CFHR4: variants seen among roughly 807,000 people sequenced by gnomAD.
CFHR4 encodes complement factor H related 4.
In CFHR4, 64 loss-of-function variants were observed where a neutral mutation model predicts 69.3. The observed-to-expected ratio is 0.92, with a 90% confidence interval of 0.76 to 1.14. The LOEUF (loss-of-function observed/expected upper bound fraction) is 1.14, where lower values mean the gene tolerates loss of function less well. Ranked by LOEUF, CFHR4 falls within the 50% of genes most tolerant of loss-of-function variation. The pLI is 0.00. For synonymous variants in CFHR4, 244 were observed against 237.0 expected (o/e 1.03, Z -0.27); for missense variants, 636 against 684.9 (o/e 0.93, Z 0.80).
In CFHR4 at chr1:196,888,147, T is replaced by C. The variant is rs1410757676; in HGVS notation, c.-4T>C. 7 of 1,610,650 alleles carry C rather than the reference T, an allele frequency of 4.3e-6. 1 individual carries two copies. The Admixed American group carries it at 6.7e-5, about 15-fold the overall frequency. ...GCATTACTATACTACTGAGAATATC[T>C]AACATGTTGTTACTAATCAATGTCA... On this transcript the variant is annotated 5_prime_UTR_variant, in exon 1 of 10. The change abolishes the stop of an existing upstream ORF in the 5' untranslated region. Coordinates refer to ENST00000608469, the MANE Select transcript of CFHR4 (RefSeq NM_001201550.3).
intron 1 of CFHR4, among the ~76,000 whole-genome samples, chr1:196,892,452 T>C (rs1406944578): frequency 6.6e-6 from 1 of 151,200 alleles, no homozygotes; most frequent in Non-Finnish European, 1.5e-5. Flanking sequence ...AAAAATTGAG[T>C]GAAAGGGAAC....
chr1:196,905,127 T>A lies in CFHR4; in HGVS notation c.276T>A (p.Asp92Glu), dbSNP rs201975726. The change falls in exon 3 of 10, where the codon GAT becomes GAA. Residue 92 changes from aspartate to glutamate, a missense_variant. Transcript: ENST00000608469. Reference protein sequence around the residue: ...VPCLRTCSKSDVEIENGFISE... With the variant: ...VPCLRTCSKSEVEIENGFISE... ...TTTTAGGAACATGCTCAAAATCAGA[T>A]GTAGAAATTGAAAATGGATTCATTT... The A allele has an allele frequency of 1.8e-5, 29 of 1,601,338 alleles. No individual in the cohort carries two copies. The highest frequency in any genetic ancestry group is 2.5e-5 in the Non-Finnish European group (29 of 1,174,344).
At position 196,910,368 on chromosome 1, in the gene CFHR4, G is replaced by T. The variant is rs921604716; in HGVS notation, c.887G>T (p.Gly296Val). ...TRRPYFPVATGQSYSYYCDQN... is the reference protein window; with the variant it reads ...TRRPYFPVATVQSYSYYCDQN... ...AGACCATACTTTCCAGTAGCTACAG[G>T]ACAATCTTACTCCTATTACTGTGAC... The change falls in exon 6 of 10, where the codon GGA (glycine) becomes GTA (valine). Residue 296 changes from glycine (G) to valine (V), a missense_variant. Coordinates refer to ENST00000608469, the MANE Select transcript of CFHR4 (RefSeq NM_001201550.3). 12 of 1,611,464 alleles carry T rather than the reference G, an allele frequency of 7.4e-6. No individual in the cohort carries two copies. In the African/African-American group the frequency reaches 8.1e-5, roughly 11 times the overall value.
intron 2 of CFHR4, among the ~76,000 whole-genome samples, chr1:196,904,857 T>G (rs76441140): frequency 0.015 from 2,317 of 151,696 alleles, 141 homozygotes; most frequent in African/African-American, 0.053. Context: ...CTGCTAGATC[T>G]GCATTCCTCA....
intron 6 of CFHR4, 82 bp from the exon 7 acceptor site, chr1:196,912,658 A>G: frequency 7.2e-7 from 1 of 1,385,432 alleles, no homozygotes; most frequent in Non-Finnish European, 9.6e-7. Context: ...GTTTTGCCAT[A>G]TTGCCATGTT....
intron 9 of CFHR4, among the ~76,000 whole-genome samples, chr1:196,917,738 C>G (rs576148549): frequency 6.6e-6 from 1 of 151,620 alleles, no homozygotes; most frequent in East Asian, 1.9e-4. Flanking sequence ...TTATACCTTT[C>G]TACAGTTCTT....
chr1:196,913,232 C>T (rs1014295151), intron 7 of CFHR4, among the ~76,000 whole-genome samples: 1 of 151,450 alleles, frequency 6.6e-6, no homozygotes, highest in Admixed American at 6.6e-5. Context: ...TTAAAAACTT[C>T]GTTGTTTTCC....
In CFHR4 at chr1:196,914,964, G is replaced by C. The variant is rs1404637446; in HGVS notation, c.1366G>C (p.Glu456Gln). The stretch of plus-strand genomic sequence containing the variant: ...AAAGTATTTTTTTTCAGATTCTTCA[G>C]AAAAGTGTGGGCCTCCTCCACCTAT... ...SHFPTCYNSS[E>Q]KCGPPPPISN... Residue 456 changes from glutamate to glutamine, a missense_variant, in exon 9 of 10, where the codon GAA becomes CAA. This residue lies in a region of CFHR4 where 22 missense variants were observed against 72.8 expected (regional missense o/e 0.30). Coordinates refer to ENST00000608469, the MANE Select transcript of CFHR4 (RefSeq NM_001201550.3). 40 of 1,610,150 alleles carry C rather than the reference G, an allele frequency of 2.5e-5. 1 individual carries two copies. Among genetic ancestry groups the C allele is most frequent in the Non-Finnish European group, 3.1e-5 (37 of 1,178,696 alleles).
rs748372528 is a variant in CFHR4 at position 196,907,425 on chromosome 1, C to T, written c.726C>T (p.Ser242=). Reference sequence around the variant, plus strand: ...CAAGAGTCGAGTACCAGTGCCAGTCCTACTATGAACTTCAGGGTTCTAAAT... The same window carrying T: ...CAAGAGTCGAGTACCAGTGCCAGTCTTACTATGAACTTCAGGGTTCTAAAT... ...PWSRVEYQCQ[S]YYELQGSKYV... The change falls in exon 5 of 10, where the codon TCC becomes TCT. Residue 242 remains serine, a synonymous_variant. Coordinates refer to ENST00000608469, the MANE Select transcript of CFHR4 (RefSeq NM_001201550.3). The T allele has an allele frequency of 6.2e-7, 1 of 1,611,918 alleles. No individual in the cohort carries two copies. The highest frequency in any genetic ancestry group is 8.5e-7 in the Non-Finnish European group (1 of 1,179,094).
At chr1:196,907,144 G>A in intron 4 of CFHR4, 107 bp downstream of exon 4, 1 of 1,193,484 alleles carries the variant, frequency 8.4e-7, no homozygotes, top group Non-Finnish European at 1.2e-6. Context: ...ACATATACAT[G>A]TAGTCCTCAT....
intron 1 of CFHR4, among the ~76,000 whole-genome samples, chr1:196,898,092 TG>T (rs1203075591): frequency 6.6e-6 from 1 of 151,282 alleles, no homozygotes; most frequent in East Asian, 1.9e-4. Flanking sequence ...TAATGGGTAG[TG>T]ATTTCTACAT....
At chr1:196,913,243 C>T (rs1469332628) in intron 7 of CFHR4, among the ~76,000 whole-genome samples, 1 of 151,480 alleles carries the variant, frequency 6.6e-6, no homozygotes, top group African/African-American at 2.4e-5. Context: ...GTTGTTTTCC[C>T]TTTCTTTGTA....
chr1:196,907,989 G>A (rs10801579), intron 5 of CFHR4, among the ~76,000 whole-genome samples: 21,877 of 151,094 alleles, frequency 0.14, 2,006 homozygotes, highest in Middle Eastern at 0.31. Context: ...AAATGGATAC[G>A]TTCATGTCCA....
chr1:196,918,071 T>C (rs1031504160), intron 9 of CFHR4, 139 bp from the exon 10 acceptor site: 10 of 941,556 alleles, frequency 1.1e-5, no homozygotes, highest in Non-Finnish European at 1.3e-5. Flanking sequence ...AAAGTCAGTA[T>C]GTAGCACAAA....
chr1:196,917,031 A>G (rs1658676981), intron 9 of CFHR4, among the ~76,000 whole-genome samples: 1 of 151,708 alleles, frequency 6.6e-6, no homozygotes, highest in Admixed American at 6.6e-5. Context: ...TTCAAATAAT[A>G]TTTATTTTTG....
At chr1:196,916,411 C>G (rs1014768686) in intron 9 of CFHR4, among the ~76,000 whole-genome samples, 1 of 151,890 alleles carries the variant, frequency 6.6e-6, no homozygotes, top group Non-Finnish European at 1.5e-5. Context: ...ACAAGCCGTT[C>G]TTTTCTGTGA....
chr1:196,909,969 T>C lies in CFHR4; in HGVS notation c.800-312T>C, dbSNP rs201330642. Among the ~76,000 whole-genome samples, 17 of 150,994 alleles carry C rather than the reference T, an allele frequency of 1.1e-4. 1 individual carries two copies. Among genetic ancestry groups the C allele is most frequent in the African/African-American group, 3.2e-4 (13 of 40,942 alleles). ...GAGTTCGAGACCAGCCTGACCAATA[T>C]GGTAAAACTCTGTGTCTACTAAAAT... On this transcript the variant is annotated intron_variant, in intron 5 of 9. Transcript: ENST00000608469.
intron 1 of CFHR4, among the ~76,000 whole-genome samples, chr1:196,893,068 C>T (rs1283828340): frequency 1.3e-5 from 2 of 151,618 alleles, no homozygotes; most frequent in Admixed American, 6.6e-5. Context: ...ATCTCCACTG[C>T]GTGGTTCACC....
intron 9 of CFHR4, among the ~76,000 whole-genome samples, chr1:196,916,896 A>G (rs1380412720): frequency 6.6e-6 from 1 of 151,642 alleles, no homozygotes; most frequent in Non-Finnish European, 1.5e-5. Context: ...AATTCTAGGG[A>G]AAAAGGCAAC....
Sources: allele counts gnomAD v4.1 joint callset (sites outside exome capture counted in the v4.1 genomes callset), GRCh38; gene constraint gnomAD v4.1.1; regional missense constraint gnomAD v4.1.1; transcripts MANE v1.5; gene names NCBI Gene and HGNC (gene_info 2026-07-23, HGNC 2026-07-21).